Variants in PDE10A observed in about 807,000 individuals in gnomAD.
PDE10A encodes the protein phosphodiesterase 10A.
Under a neutral mutation model 97.7 loss-of-function variants are expected in PDE10A, and 39 were observed. The observed-to-expected ratio is 0.40, with a 90% CI of 0.31 to 0.52. PDE10A has a LOEUF of 0.52. Ranked by LOEUF, PDE10A falls within the 20% of genes least tolerant of loss-of-function variation. PDE10A has a pLI of 0.56. For synonymous variants in PDE10A, 371 were observed against 376.8 expected (o/e 0.98, Z 0.18); for missense variants, 731 against 1,047.8 (o/e 0.70, Z 4.17).
chr6:165,772,146 T>G (rs1167096853), intron 1 of PDE10A, among the ~76,000 whole-genome samples: 1 of 152,188 alleles, frequency 6.6e-6, no homozygotes, highest in Non-Finnish European at 1.5e-5. Context: ...TACAAAGTGT[T>G]TTTAGCCCCA....
chr6:165,541,341 G>A (rs576649675), intron 2 of PDE10A, among the ~76,000 whole-genome samples: 44 of 152,174 alleles, frequency 2.9e-4, no homozygotes, highest in African/African-American at 1.0e-3. Context: ...GTGAGGAGGA[G>A]AATAACTGAG....
intron 1 of PDE10A, among the ~76,000 whole-genome samples, chr6:165,814,601 A>G (rs1779361548): frequency 6.6e-6 from 1 of 152,330 alleles, no homozygotes; most frequent in Non-Finnish European, 1.5e-5. Flanking sequence ...TAATTCCTTG[A>G]CATACAAGTA....
chr6:165,902,587 G>T (rs1782144103), intron 1 of PDE10A, among the ~76,000 whole-genome samples: 2 of 150,950 alleles, frequency 1.3e-5, no homozygotes, highest in Non-Finnish European at 2.9e-5. Flanking sequence ...ATCTGTGGCA[G>T]CACTGGCTCA....
chr6:165,468,388 A>G (rs77704065), intron 3 of PDE10A, among the ~76,000 whole-genome samples: 4,243 of 152,074 alleles, frequency 0.028, 198 homozygotes, highest in African/African-American at 0.095. Context: ...GCACCTGGGC[A>G]TTATTTTTAA....
intron 18 of PDE10A, among the ~76,000 whole-genome samples, chr6:165,371,784 T>A (rs1784268896): frequency 6.6e-6 from 1 of 151,994 alleles, no homozygotes; most frequent in Non-Finnish European, 1.5e-5. Flanking sequence ...AAAAAGAGAA[T>A]TTTAGACCAA....
chr6:165,592,480 T>A (rs951841217), intron 1 of PDE10A, among the ~76,000 whole-genome samples: 14 of 152,014 alleles, frequency 9.2e-5, no homozygotes, highest in Admixed American at 7.2e-4. Flanking sequence ...GAGCTTCTGC[T>A]CAGCAAAAGA....
chr6:165,445,097 A>G (rs1031503360), intron 5 of PDE10A, among the ~76,000 whole-genome samples: 27 of 152,196 alleles, frequency 1.8e-4, no homozygotes, highest in African/African-American at 6.5e-4. Context: ...TTCATGTGCA[A>G]AAGGCGAAAT....
chr6:165,953,373 C>A (rs1784028857), intron 1 of PDE10A, among the ~76,000 whole-genome samples: 1 of 152,110 alleles, frequency 6.6e-6, no homozygotes, highest in Admixed American at 6.5e-5. Context: ...GGCGAATCAC[C>A]TGAGGTCAGG....
intron 2 of PDE10A, among the ~76,000 whole-genome samples, chr6:165,490,196 G>A (rs1025203132): frequency 3.3e-5 from 5 of 152,220 alleles, no homozygotes; most frequent in Non-Finnish European, 5.9e-5. Flanking sequence ...TGTGAGGCAA[G>A]AGCAGCAGGT....
rs540667242 is a variant in PDE10A at position 165,497,648 on chromosome 6, C to G, written c.995-15305G>C. Among the ~76,000 whole-genome samples, 19 of 152,262 alleles carry G rather than the reference C, an allele frequency of 1.2e-4. No homozygotes were observed. The East Asian group carries it at 3.5e-3, about 28-fold the overall frequency. On this transcript the variant is annotated intron_variant, in intron 2 of 21. Transcript: ENST00000539869. ...TAGAACTTAGTCATCTCTGAATGATCTACAACTGTGTTGATTCTGTAACTT... is the reference window on the plus strand; with the variant it reads ...TAGAACTTAGTCATCTCTGAATGATGTACAACTGTGTTGATTCTGTAACTT...
chr6:165,621,446 T>C (rs1788130148), intron 1 of PDE10A, among the ~76,000 whole-genome samples: 1 of 152,140 alleles, frequency 6.6e-6, no homozygotes, highest in Non-Finnish European at 1.5e-5. Flanking sequence ...CTGCATACGA[T>C]TGAAACTGTC....
intron 1 of PDE10A, among the ~76,000 whole-genome samples, chr6:165,604,354 C>T (rs1425971780): frequency 6.6e-6 from 1 of 152,078 alleles, no homozygotes; most frequent in Non-Finnish European, 1.5e-5. Flanking sequence ...GTACCATTCA[C>T]ATTTTGATAC....
intron 13 of PDE10A, among the ~76,000 whole-genome samples, chr6:165,408,553 G>A (rs1787407616): frequency 1.3e-5 from 2 of 152,158 alleles, no homozygotes; most frequent in Non-Finnish European, 2.9e-5. Flanking sequence ...CCACTATAAA[G>A]AAACGCGATG....
intron 1 of PDE10A, among the ~76,000 whole-genome samples, chr6:165,972,063 C>A (rs1478784030): frequency 6.6e-6 from 1 of 152,080 alleles, no homozygotes; most frequent in East Asian, 1.9e-4. Context: ...AGAAAAGGTA[C>A]ACGCTGTAAC....
intron 2 of PDE10A, among the ~76,000 whole-genome samples, chr6:165,509,084 T>C (rs900098257): frequency 6.6e-6 from 1 of 152,030 alleles, no homozygotes; most frequent in Non-Finnish European, 1.5e-5. Context: ...CTCAGGTTCA[T>C]CCATGTCAAA....
intron 1 of PDE10A, among the ~76,000 whole-genome samples, chr6:165,599,241 CAAAG>C (rs1786790128): frequency 6.6e-6 from 1 of 152,194 alleles, no homozygotes; most frequent in South Asian, 2.1e-4. Flanking sequence ...CAAGCAAACA[CAAAG>C]AACACAAAGA....
At chr6:165,718,620 G>C (rs558564718) in intron 1 of PDE10A, among the ~76,000 whole-genome samples, 1 of 152,112 alleles carries the variant, frequency 6.6e-6, no homozygotes, top group South Asian at 2.1e-4. Context: ...ATGCAGGCTT[G>C]TGTGTATATA....
intron 18 of PDE10A, among the ~76,000 whole-genome samples, chr6:165,348,904 TAG>T (rs1277360461): frequency 6.6e-6 from 1 of 152,172 alleles, no homozygotes; most frequent in Non-Finnish European, 1.5e-5. Context: ...AAGGATGTGT[TAG>T]CTTCCCCGTC....
At chr6:165,473,118 C>T (rs551273291) in intron 3 of PDE10A, among the ~76,000 whole-genome samples, 54 of 152,202 alleles carry the variant, frequency 3.5e-4, no homozygotes, top group African/African-American at 1.3e-3. Context: ...CACAGAAACT[C>T]AATGGGGCAT....
Sources: allele counts gnomAD v4.1 joint callset (sites outside exome capture counted in the v4.1 genomes callset), GRCh38; gene constraint gnomAD v4.1.1; transcripts MANE v1.5; gene names NCBI Gene and HGNC (gene_info 2026-07-23, HGNC 2026-07-21).